LRRFIP2: variants seen among roughly 807,000 people sequenced by gnomAD.
LRRFIP2 encodes the protein leucine-rich repeat flightless-interacting protein 2.
In LRRFIP2, 109 loss-of-function variants were observed where a neutral mutation model predicts 125.9. That is an observed-to-expected ratio of 0.87 (90% CI 0.74 to 1.01). The LOEUF is 1.01. Among genes scored for constraint, LRRFIP2 ranks in the 50% least tolerant of loss-of-function variants. The pLI is 0.00. For synonymous variants in LRRFIP2, 291 were observed against 293.1 expected (o/e 0.99, Z 0.07); for missense variants, 850 against 862.3 (o/e 0.99, Z 0.18).
chr3:37,085,961 TA>T (rs2093017272), intron 18 of LRRFIP2, among the ~76,000 whole-genome samples: 1 of 152,212 alleles, frequency 6.6e-6, no homozygotes, highest in African/African-American at 2.4e-5. Flanking sequence ...AAAATATTTA[TA>T]AATCTTATAT....
chr3:37,089,810 T>C (rs544734310), intron 18 of LRRFIP2, among the ~76,000 whole-genome samples: 1 of 152,328 alleles, frequency 6.6e-6, no homozygotes, highest in Admixed American at 6.5e-5. Flanking sequence ...ACCGATTTGT[T>C]TGATCCAAGA....
At chr3:37,120,300 T>C (rs944277321) in intron 6 of LRRFIP2, among the ~76,000 whole-genome samples, 6 of 151,988 alleles carry the variant, frequency 3.9e-5, no homozygotes, top group African/African-American at 1.2e-4. Context: ...GAGACAGGTT[T>C]CACCATGTTA....
intron 1 of LRRFIP2, among the ~76,000 whole-genome samples, chr3:37,155,311 CA>C (rs753440551): frequency 1.8e-4 from 27 of 150,314 alleles, no homozygotes; most frequent in Admixed American, 4.0e-4. Flanking sequence ...GTGAAATTGA[CA>C]AAAAAAAAGC....
At chr3:37,058,641 C>G in intron 25 of LRRFIP2, 149 bp downstream of exon 25, 1 of 798,356 alleles carries the variant, frequency 1.3e-6, no homozygotes, top group East Asian at 2.6e-5. Context: ...CACCACTGCA[C>G]TCTGACCTGG....
At chr3:37,165,800 AGAAAG>A (rs1560166102) in intron 1 of LRRFIP2, among the ~76,000 whole-genome samples, 7 of 40,326 alleles carry the variant, frequency 1.7e-4, no homozygotes, top group East Asian at 8.7e-4. Context: ...AGAAAGAGAA[AGAAAG>A]AAAGAAAGAA....
At chr3:37,171,469 T>C (rs2096586805) in intron 1 of LRRFIP2, among the ~76,000 whole-genome samples, 1 of 151,846 alleles carries the variant, frequency 6.6e-6, no homozygotes, top group Non-Finnish European at 1.5e-5. Flanking sequence ...CTCTAGTGTC[T>C]CTCTCATTTC....
At chr3:37,123,131 C>T (rs972383723) in intron 4 of LRRFIP2, among the ~76,000 whole-genome samples, 2 of 152,214 alleles carry the variant, frequency 1.3e-5, no homozygotes, top group Non-Finnish European at 2.9e-5. Context: ...AATTTCTAAT[C>T]AGGTATTCTG....
chr3:37,114,249 T>C (rs2094673927), intron 7 of LRRFIP2, among the ~76,000 whole-genome samples: 1 of 152,202 alleles, frequency 6.6e-6, no homozygotes, highest in South Asian at 2.1e-4. Context: ...ATTCCTTGGT[T>C]AATGACATAC....
intron 21 of LRRFIP2, 97 bp downstream of exon 21, chr3:37,072,690 CAAG>C (rs1272814472): frequency 1.9e-5 from 13 of 690,136 alleles, no homozygotes; most frequent in Middle Eastern, 2.5e-4. Flanking sequence ...TGTAAATGCT[CAAG>C]AAGAATCAAA....
At chr3:37,075,199 G>C (rs2091856506) in intron 19 of LRRFIP2, 83 bp from the exon 20 acceptor site, 2 of 832,118 alleles carry the variant, frequency 2.4e-6, no homozygotes, top group African/African-American at 3.4e-5. Context: ...CAGAGGTTAA[G>C]TATGACCTCC....
At chr3:37,059,563 C>T (rs112465496) in intron 24 of LRRFIP2, among the ~76,000 whole-genome samples, 21 of 152,056 alleles carry the variant, frequency 1.4e-4, no homozygotes, top group African/African-American at 4.1e-4. Flanking sequence ...CTGAGGCGGG[C>T]GGATCACAAG....
chr3:37,056,666 G>C (rs1013510357), intron 25 of LRRFIP2, among the ~76,000 whole-genome samples: 1 of 151,562 alleles, frequency 6.6e-6, no homozygotes, highest in Non-Finnish European at 1.5e-5. Context: ...TGTTAGCCAG[G>C]ATGGTCTCGA....
chr3:37,100,905 G>A (rs1456783237), intron 15 of LRRFIP2, among the ~76,000 whole-genome samples: 2 of 152,092 alleles, frequency 1.3e-5, no homozygotes, highest in Non-Finnish European at 2.9e-5. Context: ...CTGTTGCATA[G>A]CCAGATTTGA....
At chr3:37,121,763 G>A (rs915601060) in intron 4 of LRRFIP2, 72 bp from the exon 5 acceptor site, 22 of 1,469,872 alleles carry the variant, frequency 1.5e-5, no homozygotes, top group Admixed American at 1.0e-4. Context: ...ACTGAGCAAA[G>A]AGCAGTCAGT....
intron 2 of LRRFIP2, among the ~76,000 whole-genome samples, chr3:37,138,302 A>C (rs2095608036): frequency 6.6e-6 from 1 of 152,214 alleles, no homozygotes; most frequent in African/African-American, 2.4e-5. Flanking sequence ...GTGGCATTCC[A>C]AATCAGAGAC....
At position 37,069,524 on chromosome 3, in the gene LRRFIP2, G is replaced by A. The variant is rs536581474; in HGVS notation, c.1465-3199C>T. Among the ~76,000 whole-genome samples, 9 of 152,260 alleles carry A rather than the reference G, an allele frequency of 5.9e-5. No individual in the cohort carries two copies. The East Asian group carries it at 1.5e-3, about 26-fold the overall frequency. On this transcript the variant is annotated intron_variant, in intron 21 of 27. Coordinates refer to ENST00000336686, the MANE Select transcript of LRRFIP2 (RefSeq NM_006309.4). ...AGCAGTCAAATTCACAGAGACAGAA[G>A]GTGGAATGGTAGTTGCCATTCCACC...
At chr3:37,124,824 T>C (rs1348578008) in intron 4 of LRRFIP2, among the ~76,000 whole-genome samples, 12 of 152,208 alleles carry the variant, frequency 7.9e-5, no homozygotes. Flanking sequence ...AAAAGCTTCA[T>C]TTGCCAGGTA....
Position 37,146,257 on chromosome 3 carries a change from G to A in LRRFIP2, c.90+2637C>T, listed in dbSNP as rs115630242. 5.0e-3 allele frequency among the ~76,000 whole-genome samples: 766 copies of A among 152,284 alleles called. 6 individuals carry two copies. Among genetic ancestry groups the A allele is most frequent in the African/African-American group, 0.018 (731 of 41,548 alleles). On this transcript the variant is annotated intron_variant, in intron 2 of 27. Coordinates refer to ENST00000336686, the MANE Select transcript of LRRFIP2 (RefSeq NM_006309.4). The stretch of plus-strand genomic sequence containing the variant: ...GTGCAAATAGTTAAGATCACTCACT[G>A]TAGAGTCGTATCTACGTTTTCATTT...
intron 4 of LRRFIP2, among the ~76,000 whole-genome samples, chr3:37,127,162 C>G (rs1399402609): frequency 6.6e-6 from 1 of 152,060 alleles, no homozygotes; most frequent in Non-Finnish European, 1.5e-5. Context: ...TAACATTTTA[C>G]TGATTCACAA....
Sources: allele counts gnomAD v4.1 joint callset (sites outside exome capture counted in the v4.1 genomes callset), GRCh38; gene constraint gnomAD v4.1.1; transcripts MANE v1.5; gene names NCBI Gene and HGNC (gene_info 2026-07-23, HGNC 2026-07-21).